The following MEF2B variants were observed in gnomAD, a reference collection of about 807,000 sequenced individuals.
The protein encoded by MEF2B is myocyte enhancer factor 2B, also known as myocyte-specific enhancer factor 2B.
In MEF2B, 15 loss-of-function variants were observed where a neutral mutation model predicts 32.2. That is an observed-to-expected ratio of 0.47 (90% CI 0.31 to 0.72). The LOEUF (loss-of-function observed/expected upper bound fraction) is 0.72. Ranked by LOEUF, MEF2B falls within the 30% of genes least tolerant of loss-of-function variation. MEF2B has a pLI of 0.05. For missense variants in MEF2B, 441 were observed against 511.5 expected (o/e 0.86, Z 1.33); for synonymous variants, 205 against 225.6 (o/e 0.91, Z 0.82).
intron 1 of MEF2B, among the ~76,000 whole-genome samples, chr19:19,165,551 C>T (rs1368115467): frequency 6.6e-6 from 1 of 152,056 alleles, no homozygotes; most frequent in Non-Finnish European, 1.5e-5. Context: ...AAACCCCACA[C>T]ATCTGGGGTG....
intron 1 of MEF2B, among the ~76,000 whole-genome samples, chr19:19,169,351 CA>C (rs11302220): frequency 0.5 from 73,978 of 146,840 alleles, 18,380 homozygotes; most frequent in East Asian, 0.58. Flanking sequence ...GACCCTGTCT[CA>C]AAAAAAAAAC....
chr19:19,150,569 C>G, intron 2 of MEF2B, 113 bp downstream of exon 2: 2 of 1,379,224 alleles, frequency 1.5e-6, no homozygotes, highest in Non-Finnish European at 2.0e-6. Context: ...CATCAGGACT[C>G]CTCATGCCTC....
chr19:19,152,930 C>T (rs902178531), intron 1 of MEF2B, among the ~76,000 whole-genome samples: 1 of 152,230 alleles, frequency 6.6e-6, no homozygotes, highest in African/African-American at 2.4e-5. Flanking sequence ...CTGTCAGTCC[C>T]AGACCCTCAG....
Position 19,147,782 on chromosome 19 carries a change from A to G in MEF2B, c.309T>C (p.Asp103=), listed in dbSNP as rs1442018070. 7.4e-6 allele frequency: 12 copies of G among 1,613,778 alleles called. No homozygotes were observed. In the East Asian group the frequency reaches 1.3e-4, roughly 18 times the overall value. ...IGLDGPELEP[D]EGPEEPGEKF... ...TCTCTCCTGGCTCCTCAGGCCCTTC[A>G]TCCGGCTCCAGCTCTGGCCCATCGA... The change falls in exon 4 of 9, where the codon GAT becomes GAC. Residue 103 remains aspartate, a synonymous_variant. Transcript: ENST00000424583.
intron 1 of MEF2B, among the ~76,000 whole-genome samples, chr19:19,169,240 G>A (rs1423109205): frequency 2.6e-5 from 4 of 151,856 alleles, no homozygotes; most frequent in Non-Finnish European, 5.9e-5. Flanking sequence ...TGTAATCCCA[G>A]CTACTTAGAA....
At chr19:19,160,203 C>CA (rs992258360) in intron 1 of MEF2B, among the ~76,000 whole-genome samples, 6 of 151,990 alleles carry the variant, frequency 3.9e-5, no homozygotes, top group African/African-American at 1.5e-4. Context: ...CTCCTGACCT[C>CA]AAGTGATCCG....
intron 1 of MEF2B, among the ~76,000 whole-genome samples, chr19:19,164,314 C>G (rs2060189885): frequency 6.6e-6 from 1 of 152,160 alleles, no homozygotes; most frequent in South Asian, 2.1e-4. Flanking sequence ...AAATTTAAGG[C>G]CCCATCCAGC....
chr19:19,146,251 G>A, intron 8 of MEF2B, 22 bp downstream of exon 8: 4 of 1,093,488 alleles, frequency 3.7e-6, no homozygotes, highest in Non-Finnish European at 4.9e-6. Flanking sequence ...ACTGGGACTT[G>A]CCGTCGTCTC....
intron 1 of MEF2B, among the ~76,000 whole-genome samples, chr19:19,167,062 G>T (rs115030141): frequency 0.011 from 1,637 of 151,310 alleles, 27 homozygotes; most frequent in African/African-American, 0.038. Flanking sequence ...TTAATTAGCT[G>T]GTCACAGGCT....
intron 1 of MEF2B, among the ~76,000 whole-genome samples, chr19:19,163,039 C>T (rs2060177640): frequency 6.6e-6 from 1 of 152,250 alleles, no homozygotes; most frequent in Non-Finnish European, 1.5e-5. Context: ...TCTCCCTTTG[C>T]CCGGACTGTG....
At chr19:19,158,348 A>G (rs577058633) in intron 1 of MEF2B, among the ~76,000 whole-genome samples, 1 of 143,428 alleles carries the variant, frequency 7.0e-6, no homozygotes, top group Admixed American at 7.1e-5. Context: ...TCAGGGGCCA[A>G]AGTGCTGGGA....
intron 5 of MEF2B, 54 bp downstream of exon 5, chr19:19,146,982 T>G: frequency 6.4e-7 from 1 of 1,563,562 alleles, no homozygotes; most frequent in South Asian, 1.2e-5. Flanking sequence ...AGAGCCAAGA[T>G]GCACCCAAAC....
At position 19,147,138 on chromosome 19, in the gene MEF2B, A is replaced by G. The variant is rs2060034136; in HGVS notation, c.439T>C (p.Leu147=). ...MPSPDVVYGA[L]PPPGCDPSGL... is the part of the protein sequence containing the mutation. ...CTGGGGTCACAGCCTGGTGGCGGTA[A>G]GGCCCCGTATACCACATCTGGGCTG... Residue 147 remains leucine, a synonymous_variant, in exon 5 of 9, where the codon TTA becomes CTA. Coordinates refer to ENST00000424583, the MANE Select transcript of MEF2B (RefSeq NM_001145785.2). 1.3e-6 allele frequency: 2 copies of G among 1,597,480 alleles called. No homozygotes were observed. Among genetic ancestry groups the G allele is most frequent in the Non-Finnish European group, 8.5e-7 (1 of 1,172,818 alleles).
chr19:19,146,041 A>T lies in MEF2B; in HGVS notation c.882-19T>A. The T allele has an allele frequency of 7.1e-7, 1 of 1,415,228 alleles. No homozygotes were observed. 87.7% of individuals were successfully genotyped at this position (1,415,228 alleles called of 1,614,324 possible). ...GCCCCCACTGCAGGGGGAAAGAGAG[A>T]GGGAGGCCGTGAGCTCAGCGAGGAA... On this transcript the variant is annotated intron_variant, in intron 8 of 8. Coordinates refer to ENST00000424583, the MANE Select transcript of MEF2B (RefSeq NM_001145785.2).
intron 1 of MEF2B, among the ~76,000 whole-genome samples, chr19:19,164,044 G>A (rs749030518): frequency 3.9e-5 from 6 of 151,988 alleles, no homozygotes; most frequent in Non-Finnish European, 7.4e-5. Flanking sequence ...TCAGCTCACC[G>A]CAACCTCTGC....
chr19:19,151,584 GCT>G (rs2060080345), intron 1 of MEF2B, among the ~76,000 whole-genome samples: 1 of 152,064 alleles, frequency 6.6e-6, no homozygotes, highest in Non-Finnish European at 1.5e-5. Context: ...GGACGTCCCC[GCT>G]CCGCCAACTG....
chr19:19,146,043 G>A (rs1006583830), intron 8 of MEF2B, 21 bp from the exon 9 acceptor site: 2 of 1,416,048 alleles, frequency 1.4e-6, no homozygotes, highest in South Asian at 1.5e-5. Context: ...AAAGAGAGAG[G>A]GAGGCCGTGA....
At chr19:19,167,540 AAAGAAAGAAAG>A (rs1202133535) in intron 1 of MEF2B, among the ~76,000 whole-genome samples, 51 of 152,194 alleles carry the variant, frequency 3.4e-4, no homozygotes, top group African/African-American at 1.2e-3. Context: ...AGAAAGAAAG[AAAGAAAGAAAG>A]AAACCTCTTC....
intron 3 of MEF2B, among the ~76,000 whole-genome samples, chr19:19,148,804 C>T (rs961466024): frequency 2.6e-5 from 4 of 151,940 alleles, no homozygotes; most frequent in South Asian, 2.1e-4. Flanking sequence ...CTCCGCCTCC[C>T]GGGTTCAAGC....
Sources: gnomAD v4.1 joint callset for allele counts (sites outside exome capture counted in the v4.1 genomes callset) on GRCh38, gnomAD v4.1.1 for gene constraint, MANE v1.5 for transcripts, NCBI Gene and HGNC (gene_info 2026-07-23, HGNC 2026-07-21) for gene names.